Variants in STRADA observed in about 807,000 individuals in gnomAD.
STRADA encodes STE20 related adaptor alpha.
Under a neutral mutation model 55.0 loss-of-function variants are expected in STRADA, and 26 were observed. The ratio of observed to expected loss-of-function variants is 0.47; its 90% CI spans 0.35 to 0.66. The LOEUF (loss-of-function observed/expected upper bound fraction) is 0.66, where lower values mean the gene tolerates loss of function less well. Ranked by LOEUF, STRADA falls within the 30% of genes least tolerant of loss-of-function variation. The pLI is 0.01. For synonymous variants in STRADA, 197 were observed against 210.9 expected (o/e 0.93, Z 0.57); for missense variants, 443 against 549.7 (o/e 0.81, Z 1.94).
chr17:63,730,375 T>G (rs1023639486), intron 1 of STRADA, among the ~76,000 whole-genome samples: 2 of 151,926 alleles, frequency 1.3e-5, no homozygotes. Flanking sequence ...AACTGCTTTT[T>G]AGGCCAGTTG....
Position 63,728,397 on chromosome 17 carries a change from G to A in STRADA, c.-28C>T. The A allele has an allele frequency of 6.3e-7, 1 of 1,588,830 alleles. No homozygotes were observed. Among genetic ancestry groups the A allele is most frequent in the Non-Finnish European group, 8.6e-7 (1 of 1,169,582 alleles). On this transcript the variant is annotated 5_prime_UTR_variant, in exon 2 of 13. Transcript: ENST00000336174. ...GTTCCTACTGTGTAGGCCTACTTCA[G>A]TTTCAAAAACTTAAACCTAAAAGGA...
In STRADA at chr17:63,726,669, A is replaced by G. The variant is rs998631160; in HGVS notation, c.63T>C (p.Val21=). 4 of 1,614,148 alleles carry G rather than the reference A, an allele frequency of 2.5e-6. No homozygotes were observed. The Admixed American group carries it at 5.0e-5, about 20-fold the overall frequency. The change falls in exon 3 of 13, where the codon GTT becomes GTC. Residue 21 remains valine (V), a synonymous_variant. Coordinates refer to ENST00000336174, the MANE Select transcript of STRADA (RefSeq NM_001003787.4). ...ATAGTTCCAAATCTCTTAAGCCCTCAACAATGAACTTTTCCGAGACCCACC... is the reference window on the plus strand; with the variant it reads ...ATAGTTCCAAATCTCTTAAGCCCTCGACAATGAACTTTTCCGAGACCCACC... ...IRRWVSEKFI[V]EGLRDLELFG... is the part of the protein sequence containing the mutation.
intron 3 of STRADA, 106 bp from the exon 4 acceptor site, chr17:63,723,432 C>T: frequency 7.2e-7 from 1 of 1,389,590 alleles, no homozygotes; most frequent in East Asian, 2.3e-5. Context: ...TAATAGAAAC[C>T]ACTTAAAAGT....
At chr17:63,711,551 C>T (rs1282180034) in intron 6 of STRADA, among the ~76,000 whole-genome samples, 1 of 151,834 alleles carries the variant, frequency 6.6e-6, no homozygotes, top group Non-Finnish European at 1.5e-5. Context: ...CAGGGTTTTG[C>T]CATGTTGCCT....
At chr17:63,724,577 C>CT (rs958584180) in intron 3 of STRADA, among the ~76,000 whole-genome samples, 3 of 151,770 alleles carry the variant, frequency 2.0e-5, no homozygotes, top group Admixed American at 6.6e-5. Context: ...TGCTGACTAT[C>CT]TTTTTTTTGT....
chr17:63,704,631 G>T (rs1555697008), intron 10 of STRADA, 49 bp from the exon 11 acceptor site: 15 of 858,258 alleles, frequency 1.7e-5, no homozygotes, highest in Non-Finnish European at 2.6e-5. Flanking sequence ...GGGGGGGGGG[G>T]GTGGTCCCTG....
chr17:63,730,703 C>T (rs553528134), intron 1 of STRADA, among the ~76,000 whole-genome samples: 8 of 151,906 alleles, frequency 5.3e-5, no homozygotes, highest in East Asian at 1.9e-4. Flanking sequence ...ACTATAGGTA[C>T]GCGCACCACT....
chr17:63,705,016 G>C, intron 10 of STRADA: 1 of 1,105,584 alleles, frequency 9.0e-7, no homozygotes, highest in Non-Finnish European at 1.3e-6. Flanking sequence ...GCCACAGCCT[G>C]GGCTGTCGCT....
chr17:63,740,115 T>A (rs1249476329), intron 1 of STRADA, among the ~76,000 whole-genome samples: 4 of 82,442 alleles, frequency 4.9e-5, no homozygotes, highest in South Asian at 4.9e-4. Context: ...TATACATACA[T>A]ACATATATAT....
intron 10 of STRADA, 35 bp from the exon 11 acceptor site, chr17:63,704,617 G>A (rs748191305): frequency 1.1e-5 from 14 of 1,289,992 alleles, no homozygotes; most frequent in Non-Finnish European, 1.2e-5. Context: ...GGGCTGTAGC[G>A]GGTGGGGGGG....
At chr17:63,706,440 C>T (rs571150688) in intron 10 of STRADA, 195 bp downstream of exon 10, 6 of 553,518 alleles carry the variant, frequency 1.1e-5, no homozygotes, top group Middle Eastern at 4.8e-4. Context: ...AGCTGGCCTC[C>T]CTTACCACCA....
intron 1 of STRADA, among the ~76,000 whole-genome samples, chr17:63,738,121 T>A (rs1167356365): frequency 2.0e-5 from 3 of 151,628 alleles, no homozygotes; most frequent in Non-Finnish European, 2.9e-5. Context: ...GGCGGGCAGA[T>A]CACAAGGTCA....
chr17:63,723,306 G>C lies in STRADA; in HGVS notation c.115C>G (p.Arg39Gly). The C allele has an allele frequency of 6.2e-7, 1 of 1,614,124 alleles. No individual in the cohort carries two copies. Among genetic ancestry groups the C allele is most frequent in the Non-Finnish European group, 8.5e-7 (1 of 1,180,016 alleles). Residue 39 changes from arginine to glycine, a missense_variant, in exon 4 of 13, where the codon CGG becomes GGG. By Grantham distance (125) the Arg-to-Gly change is moderately radical (BLOSUM62 -2). Transcript: ENST00000336174. ...CCTAGGAAGCCACTTACTTTTCTCC[G>C]AGTGTCACCCGGAGGCTGCTCTGGG... ...LFGEQPPGDTRRKTNDASSES... is the reference protein window; with the variant it reads ...LFGEQPPGDTGRKTNDASSES...
At chr17:63,718,184 A>G (rs565214561) in intron 4 of STRADA, among the ~76,000 whole-genome samples, 36 of 152,220 alleles carry the variant, frequency 2.4e-4, no homozygotes, top group Non-Finnish European at 4.3e-4. Flanking sequence ...CGGCCTCCCA[A>G]AGTACTGGGA....
chr17:63,725,029 C>T (rs1346553403), intron 3 of STRADA, among the ~76,000 whole-genome samples: 6 of 151,980 alleles, frequency 3.9e-5, no homozygotes, highest in East Asian at 1.9e-4. Context: ...GTGATCCGCC[C>T]GCCTGGGCCT....
intron 6 of STRADA, among the ~76,000 whole-genome samples, chr17:63,712,950 G>A (rs1598183711): frequency 6.7e-6 from 1 of 149,428 alleles, no homozygotes; most frequent in Non-Finnish European, 1.5e-5. Context: ...GCAGTGAGCC[G>A]AGATCGTGCC....
chr17:63,729,020 C>T (rs62077483), intron 1 of STRADA, among the ~76,000 whole-genome samples: 48,795 of 151,800 alleles, frequency 0.32, 8,580 homozygotes, highest in South Asian at 0.58. Flanking sequence ...CAATTACCTT[C>T]AGTTATTTTC....
rs150777074 is a variant in STRADA, at chr17:63,710,822, G to A, written c.363C>T (p.Val121=). Residue 121 remains valine (V), a synonymous_variant, in exon 7 of 13, where the codon GTC becomes GTT. Coordinates refer to ENST00000336174, the MANE Select transcript of STRADA (RefSeq NM_001003787.4). Reference sequence around the variant, plus strand: ...TATTGGGATGGTTGAAGAGTTTGGAGACATGCAGCTCGCCCTGGAAGCAAT... The same window carrying A: ...TATTGGGATGGTTGAAGAGTTTGGAAACATGCAGCTCGCCCTGGAAGCAAT... ...MVTFLQGELH[V]SKLFNHPNIV... is the part of the protein sequence containing the mutation. 8.7e-6 allele frequency: 14 copies of A among 1,614,206 alleles called. No individual in the cohort carries two copies. The highest frequency in any genetic ancestry group is 6.7e-5 in the Admixed American group (4 of 60,030).
chr17:63,707,513 G>T, intron 8 of STRADA, 95 bp from the exon 9 acceptor site: 1 of 1,180,998 alleles, frequency 8.5e-7, no homozygotes, highest in Non-Finnish European at 1.2e-6. Context: ...GCTCTCTCCT[G>T]TGTGCGTGTG....
Sources: allele counts gnomAD v4.1 joint callset (sites outside exome capture counted in the v4.1 genomes callset), GRCh38; gene constraint gnomAD v4.1.1; transcripts MANE v1.5; gene names NCBI Gene and HGNC (gene_info 2026-07-23, HGNC 2026-07-21).